The following THSD7A variants were observed in gnomAD, a reference collection of about 807,000 sequenced individuals.
THSD7A encodes the protein thrombospondin type 1 domain containing 7A.
Under a neutral mutation model 231.3 loss-of-function variants are expected in THSD7A, and 96 were observed. The observed-to-expected ratio is 0.41, with a 90% CI of 0.35 to 0.49. THSD7A has a LOEUF of 0.49. THSD7A is among the 20% of genes least tolerant of loss of function. THSD7A has a pLI of 0.05. For synonymous variants in THSD7A, 940 were observed against 743.3 expected (o/e 1.26, Z -4.30); for missense variants, 2,290 against 2,070.2 (o/e 1.11, Z -2.06).
At chr7:11,424,865 T>A in intron 15 of THSD7A, 36 bp from the exon 16 acceptor site, 1 of 1,612,990 alleles carries the variant, frequency 6.2e-7, no homozygotes, top group South Asian at 1.1e-5. Context: ...TCTCAGGGAA[T>A]CTGGTAAGAG....
intron 4 of THSD7A, among the ~76,000 whole-genome samples, chr7:11,550,274 T>C (rs1265109061): frequency 6.6e-6 from 1 of 151,950 alleles, no homozygotes; most frequent in Non-Finnish European, 1.5e-5. Context: ...GGAACACAGC[T>C]AACCAGGGAG....
chr7:11,768,476 G>C (rs1158653268), intron 1 of THSD7A, among the ~76,000 whole-genome samples: 1 of 152,150 alleles, frequency 6.6e-6, no homozygotes, highest in East Asian at 1.9e-4. Context: ...TCTTGAGGTT[G>C]AAAGTCATGA....
At chr7:11,788,037 T>C (rs1021138481) in intron 1 of THSD7A, among the ~76,000 whole-genome samples, 1 of 152,020 alleles carries the variant, frequency 6.6e-6, no homozygotes, top group Non-Finnish European at 1.5e-5. Flanking sequence ...ACTCACCATC[T>C]TGGCTACAAG....
At chr7:11,550,016 G>A (rs912251855) in intron 4 of THSD7A, among the ~76,000 whole-genome samples, 1 of 151,904 alleles carries the variant, frequency 6.6e-6, no homozygotes, top group Non-Finnish European at 1.5e-5. Flanking sequence ...GAAATAAAAG[G>A]CATCCAAATA....
Position 11,673,951 on chromosome 7 carries a change from G to A in THSD7A, c.191-36990C>T, listed in dbSNP as rs114624084. 8.8e-3 allele frequency among the ~76,000 whole-genome samples: 1,341 copies of A among 152,130 alleles called. 17 individuals are homozygous for A. Among genetic ancestry groups the A allele is most frequent in the African/African-American group, 0.031 (1,272 of 41,516 alleles). On this transcript the variant is annotated intron_variant, in intron 1 of 27. Coordinates refer to ENST00000423059, the MANE Select transcript of THSD7A (RefSeq NM_015204.3). ...AGGCTGGAGAAGTCATACTGGTTGC[G>A]TACACGTGGCCACTGCCCTGTCCAG...
chr7:11,391,788 C>T (rs191868663), intron 23 of THSD7A, among the ~76,000 whole-genome samples: 12 of 151,412 alleles, frequency 7.9e-5, no homozygotes, highest in Admixed American at 6.6e-4. Context: ...GCAAAGACTG[C>T]GATGTATCTG....
At chr7:11,823,104 T>C (rs1434225025) in intron 1 of THSD7A, among the ~76,000 whole-genome samples, 2 of 152,118 alleles carry the variant, frequency 1.3e-5, no homozygotes, top group Non-Finnish European at 2.9e-5. Context: ...CTTAAGATGT[T>C]AATCCCTCTT....
At chr7:11,721,638 G>T (rs1253016441) in intron 1 of THSD7A, among the ~76,000 whole-genome samples, 1 of 151,788 alleles carries the variant, frequency 6.6e-6, no homozygotes, top group East Asian at 2.0e-4. Context: ...CTCTCATCTG[G>T]ATTACTACTG....
Position 11,446,473 on chromosome 7 carries a change from C to T in THSD7A, c.2801-149G>A. On this transcript the variant is annotated intron_variant, in intron 12 of 27. Transcript: ENST00000423059. This position sits in a 1 kb window ranked among gnomAD's most constrained non-coding sequence, Gnocchi z 4.0. ...TATAAATCAATGCTATTTTCTCATTCCACAGTGTTTTCTACATAGGCTCCT... is the reference window on the plus strand; with the variant it reads ...TATAAATCAATGCTATTTTCTCATTTCACAGTGTTTTCTACATAGGCTCCT... 1 of 979,364 alleles carries T rather than the reference C, an allele frequency of 1.0e-6. No homozygotes were observed. The highest frequency in any genetic ancestry group is 1.5e-6 in the Non-Finnish European group (1 of 665,566). The allele number at this position is 979,364 out of a possible 1,614,324, so 60.7% of individuals were successfully genotyped here. A position where few individuals can be genotyped will look rare whatever the true frequency, so the allele number is the denominator to read the frequency against.
At chr7:11,743,349 C>T (rs572756519) in intron 1 of THSD7A, among the ~76,000 whole-genome samples, 2 of 151,888 alleles carry the variant, frequency 1.3e-5, no homozygotes, top group Non-Finnish European at 2.9e-5. Context: ...ATAAATTTAT[C>T]GTCCACTGAG....
chr7:11,601,345 T>C (rs991344497), intron 2 of THSD7A, among the ~76,000 whole-genome samples: 1 of 152,128 alleles, frequency 6.6e-6, no homozygotes, highest in Non-Finnish European at 1.5e-5. Flanking sequence ...TGACAACTTG[T>C]TACTAGATTA....
At chr7:11,751,736 T>C (rs1782507821) in intron 1 of THSD7A, among the ~76,000 whole-genome samples, 1 of 151,934 alleles carries the variant, frequency 6.6e-6, no homozygotes, top group Non-Finnish European at 1.5e-5. Flanking sequence ...TGGATAGCCT[T>C]AAGTAATTGT....
rs370655369 is a variant in THSD7A at position 11,429,146 on chromosome 7, C to G, written c.3065-21G>C. The stretch of plus-strand genomic sequence containing the variant: ...GTAACCTGAGTAGAGGAAAATGAGA[C>G]AAGAATCATCTCCTCCACCTGTCAC... On this transcript the variant is annotated intron_variant, in intron 13 of 27. Transcript: ENST00000423059. 2.6e-6 allele frequency: 4 copies of G among 1,538,860 alleles called. No homozygotes were observed. In the African/African-American group the frequency reaches 5.6e-5, roughly 21 times the overall value.
At chr7:11,730,943 C>A (rs961148158) in intron 1 of THSD7A, among the ~76,000 whole-genome samples, 6 of 151,624 alleles carry the variant, frequency 4.0e-5, no homozygotes, top group Admixed American at 1.3e-4. Context: ...CAGTTAGCTA[C>A]TCTACTGCAG....
intron 2 of THSD7A, among the ~76,000 whole-genome samples, chr7:11,599,035 G>T (rs1780461859): frequency 6.6e-6 from 1 of 152,192 alleles, no homozygotes; most frequent in Non-Finnish European, 1.5e-5. Context: ...CATAACAGAG[G>T]TAAGGAAAAG....
At chr7:11,533,138 C>A (rs1003257790) in intron 6 of THSD7A, among the ~76,000 whole-genome samples, 1 of 152,126 alleles carries the variant, frequency 6.6e-6, no homozygotes, top group Non-Finnish European at 1.5e-5. Flanking sequence ...AAACTCAAAA[C>A]GTTTTAAGGG....
intron 16 of THSD7A, among the ~76,000 whole-genome samples, chr7:11,424,033 T>C (rs1014013883): frequency 3.9e-5 from 6 of 152,122 alleles, no homozygotes; most frequent in African/African-American, 9.7e-5. Flanking sequence ...TGGAGTGTAA[T>C]AGAACAACCC....
At chr7:11,413,332 A>C (rs946179502) in intron 17 of THSD7A, among the ~76,000 whole-genome samples, 2 of 152,076 alleles carry the variant, frequency 1.3e-5, no homozygotes, top group African/African-American at 4.8e-5. Context: ...CAACTGACCA[A>C]ATGGACCCCC....
chr7:11,383,738 G>T (rs1364279270), intron 23 of THSD7A: 1 of 151,902 alleles, frequency 6.6e-6, no homozygotes, highest in Admixed American at 6.6e-5. Context: ...GGATCTCCTG[G>T]TATGCAAGCT....
Sources: allele counts gnomAD v4.1 joint callset (sites outside exome capture counted in the v4.1 genomes callset), GRCh38; gene constraint gnomAD v4.1.1; non-coding constraint Gnocchi (gnomAD v3.1); transcripts MANE v1.5; gene names NCBI Gene and HGNC (gene_info 2026-07-23, HGNC 2026-07-21).